Variants in CCDC190 observed in about 807,000 individuals in gnomAD.
CCDC190 encodes coiled-coil domain containing 190, also known as coiled-coil domain-containing protein 190.
In CCDC190, 10 loss-of-function variants were observed where a neutral mutation model predicts 13.1. The ratio of observed to expected loss-of-function variants is 0.77; its 90% confidence interval spans 0.47 to 1.30. The LOEUF (loss-of-function observed/expected upper bound fraction) is 1.30, where lower values mean the gene tolerates loss of function less well. CCDC190 is among the 50% of genes most tolerant of loss of function. The probability of loss-of-function intolerance (pLI) is 0.00; values close to 1 mark genes in which losing one functional copy is unlikely to be tolerated. For missense variants in CCDC190, 375 were observed against 354.3 expected (o/e 1.06, Z -0.47); for synonymous variants, 136 against 127.2 (o/e 1.07, Z -0.47).
intron 1 of CCDC190, among the ~76,000 whole-genome samples, chr1:162,867,200 A>T (rs779469443): frequency 6.6e-6 from 1 of 152,154 alleles, no homozygotes; most frequent in Admixed American, 6.5e-5. Context: ...ACGCAAAAAA[A>T]CCTAACCAAA....
intron 2 of CCDC190, among the ~76,000 whole-genome samples, chr1:162,858,188 C>T (rs1168501464): frequency 6.6e-6 from 1 of 152,198 alleles, no homozygotes; most frequent in Non-Finnish European, 1.5e-5. Flanking sequence ...TCCCAAAGGA[C>T]ATGGAGGCAG....
chr1:162,855,619 A>C lies in CCDC190; in HGVS notation c.311+13T>G. ...TAATGTCATACCCATGGGTTTAGTAATCCATTTCTTACCTCATTTTCTTAG... is the reference window on the plus strand; with the variant it reads ...TAATGTCATACCCATGGGTTTAGTACTCCATTTCTTACCTCATTTTCTTAG... On this transcript the variant is annotated intron_variant, in intron 3 of 3. Transcript: ENST00000367912. The C allele has an allele frequency of 6.2e-7, 1 of 1,612,768 alleles. No homozygotes were observed. Among genetic ancestry groups the C allele is most frequent in the Non-Finnish European group, 8.5e-7 (1 of 1,179,486 alleles).
Position 162,855,622 on chromosome 1 carries a change from C to T in CCDC190, c.311+10G>A. 6.2e-7 allele frequency: 1 copy of T among 1,612,708 alleles called. No homozygotes were observed. The highest frequency in any genetic ancestry group is 8.5e-7 in the Non-Finnish European group (1 of 1,179,450). ...TGTCATACCCATGGGTTTAGTAATC[C>T]ATTTCTTACCTCATTTTCTTAGCCT... On this transcript the variant is annotated intron_variant, in intron 3 of 3. Transcript: ENST00000367912.
chr1:162,854,700 GT>G lies in CCDC190; in HGVS notation c.*64del. ...GTTTTTCTCTGTATTGCTTAATATA[GT>G]CATTTGAGGAACACATTTCCTTAGC... On this transcript the variant is annotated 3_prime_UTR_variant, in exon 4 of 4. Transcript: ENST00000367912. 4 of 1,519,104 alleles carry G rather than the reference GT, an allele frequency of 2.6e-6. No homozygotes were observed. The highest frequency in any genetic ancestry group is 2.6e-6 in the Non-Finnish European group (3 of 1,136,042). The allele number at this position is 1,519,104 out of a possible 1,614,324, so 94.1% of individuals were successfully genotyped here.
intron 1 of CCDC190, among the ~76,000 whole-genome samples, chr1:162,866,841 G>A (rs890414693): frequency 6.6e-6 from 1 of 151,842 alleles, no homozygotes; most frequent in African/African-American, 2.4e-5. Flanking sequence ...TTTAATGGGG[G>A]GGAAAGAATA....
upstream of CCDC190, among the ~76,000 whole-genome samples, chr1:162,864,028 T>C (rs1470908586): frequency 1.1e-5 from 1 of 92,500 alleles, no homozygotes; most frequent in African/African-American, 3.4e-5. Flanking sequence ...AAAAAAAATA[T>C]CAATGAATCT....
In CCDC190 at chr1:162,853,019, T is replaced by G. The variant is rs1218072475; in HGVS notation, c.*1746A>C. 2 of 1,154,768 alleles carry G rather than the reference T, an allele frequency of 1.7e-6. No individual in the cohort carries two copies. Among genetic ancestry groups the G allele is most frequent in the Admixed American group, 2.0e-5 (1 of 49,090 alleles). 71.5% of individuals were successfully genotyped at this position (1,154,768 alleles called of 1,614,324 possible). On this transcript the variant is annotated 3_prime_UTR_variant, in exon 4 of 4. Coordinates refer to ENST00000367912, the MANE Select transcript of CCDC190 (RefSeq NM_001394065.1). ...CATGGCTGGTGCAAATAAATTAAGT[T>G]TTTGTGAATCAATCAGTTCTGTCAC...
Position 162,859,651 on chromosome 1 carries a change from T to C in CCDC190, c.-5A>G, listed in dbSNP as rs759702840. 6.2e-7 allele frequency: 1 copy of C among 1,612,180 alleles called. No individual in the cohort carries two copies. The highest frequency in any genetic ancestry group is 2.2e-5 in the East Asian group (1 of 44,870). ...CCTGACCATGTGCCTCTCCATCTTC[T>C]TTATGGTCTAGAGACAATAAGGTAT... On this transcript the variant is annotated 5_prime_UTR_variant, in exon 2 of 4. Coordinates refer to ENST00000367912, the MANE Select transcript of CCDC190 (RefSeq NM_001394065.1).
chr1:162,862,907 G>A (rs1650569212), upstream of CCDC190, among the ~76,000 whole-genome samples: 1 of 151,878 alleles, frequency 6.6e-6, no homozygotes, highest in African/African-American at 2.4e-5. Flanking sequence ...GGAGTCCAGT[G>A]AGGAGTTTAA....
At chr1:162,867,872 G>A (rs1390775181) in intron 1 of CCDC190, among the ~76,000 whole-genome samples, 1 of 152,122 alleles carries the variant, frequency 6.6e-6, no homozygotes, top group Non-Finnish European at 1.5e-5. Context: ...ATTATAACAT[G>A]CACAATTAAT....
chr1:162,859,700 G>T, intron 1 of CCDC190, 42 bp from the exon 2 acceptor site: 1 of 1,513,616 alleles, frequency 6.6e-7, no homozygotes, highest in South Asian at 1.3e-5. Context: ...ATAAATGGAA[G>T]ACTGGGATAC....
chr1:162,853,720 T>C lies in CCDC190; in HGVS notation c.*1045A>G, dbSNP rs1327884504. Among the ~76,000 whole-genome samples, 1 of 152,166 alleles carries C rather than the reference T, an allele frequency of 6.6e-6. No individual in the cohort carries two copies. Among genetic ancestry groups the C allele is most frequent in the Admixed American group, 6.5e-5 (1 of 15,282 alleles). On this transcript the variant is annotated 3_prime_UTR_variant, in exon 4 of 4. Transcript: ENST00000367912. ...GGCCCTCAAGTTTATTCTTCTGGAA[T>C]TAAAGTTTGTTATTGGGCTGAAGAT...
At chr1:162,863,212 CA>C (rs1179222289), upstream of CCDC190, among the ~76,000 whole-genome samples, 2 of 152,134 alleles carry the variant, frequency 1.3e-5, no homozygotes, top group African/African-American at 4.8e-5. Flanking sequence ...CTCTGTTTTA[CA>C]TGGAGTCACA....
Position 162,859,471 on chromosome 1 carries a change from C to A in CCDC190, c.176G>T (p.Arg59Met). 6.2e-7 allele frequency: 1 copy of A among 1,613,228 alleles called. No individual in the cohort carries two copies. Residue 59 changes from arginine to methionine, a missense_variant, in exon 2 of 4, where the codon AGG becomes ATG. Transcript: ENST00000367912. Reference protein sequence around the residue: ...EQRQLQKELQRLQQETMKKKF... With the variant: ...EQRQLQKELQMLQQETMKKKF... ...CCTGAAAGTCTTACCTTGCTGCAACCTCTGCAGTTCTTTTTGGAGCTGCCT... is the reference window on the plus strand; with the variant it reads ...CCTGAAAGTCTTACCTTGCTGCAACATCTGCAGTTCTTTTTGGAGCTGCCT...
In CCDC190 at chr1:162,859,404, C is replaced by T. The variant is rs547186545; in HGVS notation, c.187+56G>A. 99 of 1,498,162 alleles carry T rather than the reference C, an allele frequency of 6.6e-5. No individual in the cohort carries two copies. In the African/African-American group the frequency reaches 1.2e-3, roughly 19 times the overall value. The allele number at this position is 1,498,162 out of a possible 1,614,324, so 92.8% of individuals were successfully genotyped here. A position where few individuals can be genotyped will look rare whatever the true frequency, so the allele number is the denominator to read the frequency against. On this transcript the variant is annotated intron_variant, in intron 2 of 3. Coordinates refer to ENST00000367912, the MANE Select transcript of CCDC190 (RefSeq NM_001394065.1). ...GAAAGGGCCTCAGCGGAGTGATGGG[C>T]CTGCTGCCCTGCTGTGCCTCTGGGG...
At chr1:162,859,074 G>T (rs1650408407) in intron 2 of CCDC190, among the ~76,000 whole-genome samples, 2 of 152,090 alleles carry the variant, frequency 1.3e-5, no homozygotes, top group East Asian at 3.8e-4. Flanking sequence ...TCAATAAATT[G>T]TTGTTAGATC....
chr1:162,864,014 C>CAAA (rs35670249), upstream of CCDC190, among the ~76,000 whole-genome samples: 6,015 of 140,438 alleles, frequency 0.043, 167 homozygotes, highest in Middle Eastern at 0.073. Context: ...GACTCCATCT[C>CAAA]AAAAAAAAAA....
chr1:162,854,377 A>G lies in CCDC190; in HGVS notation c.*388T>C, dbSNP rs1045693122. 2.7e-5 allele frequency: 27 copies of G among 1,018,540 alleles called. 1 individual carries two copies. The South Asian group carries it at 8.5e-4, about 32-fold the overall frequency. The allele number at this position is 1,018,540 out of a possible 1,614,324, so 63.1% of individuals were successfully genotyped here. A position where few individuals can be genotyped will look rare whatever the true frequency, so the allele number is the denominator to read the frequency against. ...ACATTCCTATTCCTACCACTACTAT[A>G]TATCAAACTAAAACAGAGAGAATAG... On this transcript the variant is annotated 3_prime_UTR_variant, in exon 4 of 4. Coordinates refer to ENST00000367912, the MANE Select transcript of CCDC190 (RefSeq NM_001394065.1).
In CCDC190 at chr1:162,853,295, A is replaced by C. The variant is rs1318532723; in HGVS notation, c.*1470T>G. The stretch of plus-strand genomic sequence containing the variant: ...AAATGCTAGTCTGCCATCTATTAGC[A>C]AGTTACCACCACTCTTCCCTCTATT... On this transcript the variant is annotated 3_prime_UTR_variant, in exon 4 of 4. Transcript: ENST00000367912. 1 of 600,632 alleles carries C rather than the reference A, an allele frequency of 1.7e-6. No individual in the cohort carries two copies. The highest frequency in any genetic ancestry group is 2.8e-6 in the Non-Finnish European group (1 of 354,674). The allele number at this position is 600,632 out of a possible 1,614,324, so 37.2% of individuals were successfully genotyped here. A position where few individuals can be genotyped will look rare whatever the true frequency, so the allele number is the denominator to read the frequency against.
Sources: allele counts gnomAD v4.1 joint callset (sites outside exome capture counted in the v4.1 genomes callset), GRCh38; gene constraint gnomAD v4.1.1; transcripts MANE v1.5; gene names NCBI Gene and HGNC (gene_info 2026-07-23, HGNC 2026-07-21).